CADM2: variants seen among roughly 807,000 people sequenced by gnomAD.
CADM2 encodes the protein immunoglobulin superfamily member 4D.
A neutral mutation model predicts 49.8 loss-of-function variants in CADM2; 12 were observed. The ratio of observed to expected loss-of-function variants is 0.24; its 90% confidence interval spans 0.15 to 0.39. The LOEUF is 0.39. Among genes scored for constraint, CADM2 ranks in the 10% least tolerant of loss-of-function variants. CADM2 has a pLI of 1.00. For synonymous variants in CADM2, 214 were observed against 175.4 expected, an observed-to-expected ratio of 1.22 and a Z score of -1.74; for missense variants, 378 against 492.3, an observed-to-expected ratio of 0.77 and a Z score of 2.20.
rs566251359 is a variant in CADM2 at position 85,452,423 on chromosome 3, C to G, written c.62-274099C>G. 3.0e-4 allele frequency among the ~76,000 whole-genome samples: 46 copies of G among 152,228 alleles called. 1 individual carries two copies. Among genetic ancestry groups the G allele is most frequent in the African/African-American group, 1.1e-3 (45 of 41,564 alleles). ...AGGAATAGTCTGCCTTGAAGAAACA[C>G]TTTATAATATCCTCAAAAGCTATAT... On this transcript the variant is annotated intron_variant, in intron 1 of 9. Transcript: ENST00000383699.
At chr3:85,942,238 G>A (rs938205935) in intron 7 of CADM2, among the ~76,000 whole-genome samples, 4 of 151,886 alleles carry the variant, frequency 2.6e-5, no homozygotes, top group African/African-American at 9.7e-5. Flanking sequence ...ATACCACCAG[G>A]CCTGCCCTAC....
At chr3:85,029,493 G>T (rs1278944188) in intron 1 of CADM2, among the ~76,000 whole-genome samples, 1 of 152,128 alleles carries the variant, frequency 6.6e-6, no homozygotes, top group Admixed American at 6.5e-5. Context: ...GGTTTACTTT[G>T]CTAAGTTTCA....
At chr3:85,731,718 C>G (rs771673281) in intron 2 of CADM2, among the ~76,000 whole-genome samples, 1 of 151,828 alleles carries the variant, frequency 6.6e-6, no homozygotes, top group Non-Finnish European at 1.5e-5. Context: ...ATATGTTTTT[C>G]TTTCATCACC....
chr3:85,070,952 G>A (rs545525692), intron 1 of CADM2, among the ~76,000 whole-genome samples: 3 of 151,572 alleles, frequency 2.0e-5, no homozygotes, highest in East Asian at 1.9e-4. Flanking sequence ...TCGCGCCACC[G>A]CACTCCAGCC....
intron 1 of CADM2, among the ~76,000 whole-genome samples, chr3:85,468,896 C>G (rs546125541): frequency 1.3e-5 from 2 of 152,308 alleles, no homozygotes; most frequent in African/African-American, 4.8e-5. Context: ...GAGAACCCAG[C>G]TCAGAGTTGT....
Position 85,055,087 on chromosome 3 carries a change from C to G in CADM2, c.61+95419C>G, listed in dbSNP as rs2036030065. On this transcript the variant is annotated intron_variant, in intron 1 of 9. Coordinates refer to ENST00000383699, the MANE Select transcript of CADM2 (RefSeq NM_001167675.2). ...GAATTTGATGGGTCCTGTCACTGTA[C>G]TTCTGCCATGACCCCACAGGGCCAT... 3.3e-5 allele frequency among the ~76,000 whole-genome samples: 5 copies of G among 151,826 alleles called. No individual in the cohort carries two copies. In the South Asian group the frequency reaches 1.0e-3, roughly 31 times the overall value.
chr3:85,623,872 A>G (rs946025268), intron 1 of CADM2, among the ~76,000 whole-genome samples: 2 of 152,122 alleles, frequency 1.3e-5, no homozygotes, highest in Admixed American at 6.6e-5. Flanking sequence ...TTATTCCAAG[A>G]CAAGTAATTA....
intron 5 of CADM2, among the ~76,000 whole-genome samples, chr3:85,902,477 C>T (rs1009807208): frequency 6.6e-6 from 1 of 151,692 alleles, no homozygotes; most frequent in African/African-American, 2.4e-5. Flanking sequence ...TTTATAATCT[C>T]GGCTTTTTGA....
chr3:85,917,432 C>A (rs1718505929), intron 6 of CADM2, among the ~76,000 whole-genome samples: 1 of 72,946 alleles, frequency 1.4e-5, no homozygotes, highest in Admixed American at 1.8e-4. Flanking sequence ...GGAATCCCTT[C>A]CCCATTTCTT....
At chr3:85,043,909 GA>G (rs1316941136) in intron 1 of CADM2, among the ~76,000 whole-genome samples, 2 of 151,934 alleles carry the variant, frequency 1.3e-5, no homozygotes, top group East Asian at 1.9e-4. Context: ...TTGAGTACCA[GA>G]AAAAAAGCTC....
intron 1 of CADM2, among the ~76,000 whole-genome samples, chr3:85,068,931 A>T (rs1248958094): frequency 6.6e-6 from 1 of 152,128 alleles, no homozygotes; most frequent in Non-Finnish European, 1.5e-5. Flanking sequence ...GAAGCCAGTG[A>T]TTTGGAGTAA....
rs72913183 is a variant in CADM2 at position 85,673,306 on chromosome 3, A to G, written c.62-53216A>G. On this transcript the variant is annotated intron_variant, in intron 1 of 9. Transcript: ENST00000383699. ...ATGAGCCAACAATATTCAGCTTGCA[A>G]ATTCTGTCTGTTCAGTTCTAAGACA... Among the ~76,000 whole-genome samples, 516 of 152,212 alleles carry G rather than the reference A, an allele frequency of 3.4e-3. 8 individuals are homozygous for G. The highest frequency in any genetic ancestry group is 0.012 in the African/African-American group (483 of 41,534).
chr3:85,421,429 G>T (rs989972853), intron 1 of CADM2, among the ~76,000 whole-genome samples: 1 of 152,116 alleles, frequency 6.6e-6, no homozygotes, highest in Admixed American at 6.5e-5. Flanking sequence ...TATTTAACGT[G>T]TAGAAATTAA....
rs189521163 is a variant in CADM2 at position 85,238,534 on chromosome 3, G to C, written c.61+278866G>C. 2.5e-3 allele frequency among the ~76,000 whole-genome samples: 379 copies of C among 152,004 alleles called. 3 individuals carry two copies. Among genetic ancestry groups the C allele is most frequent in the African/African-American group, 8.8e-3 (364 of 41,534 alleles). On this transcript the variant is annotated intron_variant, in intron 1 of 9. Coordinates refer to ENST00000383699, the MANE Select transcript of CADM2 (RefSeq NM_001167675.2). ...TTGGGATAATCTGTCTTTCCTCTGA[G>C]CTCTTTGAGTGTAGGGAAGGGCCCA...
intron 1 of CADM2, among the ~76,000 whole-genome samples, chr3:85,047,231 T>C (rs1379195234): frequency 1.3e-5 from 2 of 152,166 alleles, no homozygotes; most frequent in Admixed American, 1.3e-4. Flanking sequence ...TTTGCTTCTG[T>C]TGTAGAGCAA....
At chr3:85,084,150 C>G (rs980678206) in intron 1 of CADM2, among the ~76,000 whole-genome samples, 1 of 152,106 alleles carries the variant, frequency 6.6e-6, no homozygotes, top group African/African-American at 2.4e-5. Flanking sequence ...TTAGGCTTTT[C>G]TGTAGTTGTA....
intron 1 of CADM2, among the ~76,000 whole-genome samples, chr3:85,088,575 A>T (rs776264086): frequency 1.3e-5 from 2 of 152,128 alleles, no homozygotes; most frequent in Non-Finnish European, 2.9e-5. Flanking sequence ...CTAATTAGGA[A>T]ATAGGCCTCT....
At chr3:85,518,288 G>A (rs988104917) in intron 1 of CADM2, among the ~76,000 whole-genome samples, 1 of 152,164 alleles carries the variant, frequency 6.6e-6, no homozygotes, top group Non-Finnish European at 1.5e-5. Flanking sequence ...ACCACGTCTA[G>A]CCTCAGCTGT....
chr3:86,006,645 A>T (rs1730826612), intron 8 of CADM2, among the ~76,000 whole-genome samples: 1 of 152,180 alleles, frequency 6.6e-6, no homozygotes, highest in African/African-American at 2.4e-5. Flanking sequence ...TTGCCTGGGA[A>T]CTACTTTGAC....
Sources: allele counts gnomAD v4.1 joint callset (sites outside exome capture counted in the v4.1 genomes callset), GRCh38; gene constraint gnomAD v4.1.1; transcripts MANE v1.5; gene names NCBI Gene and HGNC (gene_info 2026-07-23, HGNC 2026-07-21).